The following PTPRT variants were observed in gnomAD, a reference collection of about 807,000 sequenced individuals.
The protein encoded by PTPRT is protein tyrosine phosphatase receptor type T.
PTPRT carries 56 observed loss-of-function variants against 176.8 expected under a neutral mutation model. The ratio of observed to expected loss-of-function variants is 0.32; its 90% confidence interval spans 0.26 to 0.40. The LOEUF (loss-of-function observed/expected upper bound fraction) is 0.40, where lower values mean the gene tolerates loss of function less well. PTPRT is among the 10% of genes least tolerant of loss of function. The pLI, the probability that PTPRT is intolerant of heterozygous loss-of-function variation, is 1.00. For synonymous variants in PTPRT, 783 were observed against 739.0 expected (o/e 1.06, Z -0.96); for missense variants, 1,540 against 1,908.2 (o/e 0.81, Z 3.60).
At chr20:42,850,769 T>A (rs2078454763) in intron 2 of PTPRT, among the ~76,000 whole-genome samples, 1 of 152,172 alleles carries the variant, frequency 6.6e-6, no homozygotes. Context: ...TGCAAAGCTA[T>A]TTTCCTGGAG....
At chr20:42,064,377 T>G in the PTPRT span, among the ~76,000 whole-genome samples, 1 of 152,214 alleles carries the variant, frequency 6.6e-6, no homozygotes, top group South Asian at 2.1e-4. Flanking sequence ...GACTGTCTAC[T>G]GAATCTCTTA....
chr20:43,150,036 T>C (rs1362345710), intron 1 of PTPRT, among the ~76,000 whole-genome samples: 3 of 152,234 alleles, frequency 2.0e-5, no homozygotes, highest in African/African-American at 7.2e-5. Flanking sequence ...GAGGTTCTAT[T>C]GGATCCACGC....
intron 12 of PTPRT, among the ~76,000 whole-genome samples, chr20:42,291,295 G>A (rs6124439): frequency 0.26 from 39,530 of 151,994 alleles, 5,308 homozygotes; most frequent in Non-Finnish European, 0.29. Flanking sequence ...CTACAAATAC[G>A]ACCAAAGTAG....
intron 1 of PTPRT, among the ~76,000 whole-genome samples, chr20:43,140,359 T>A (rs1231498551): frequency 6.6e-6 from 1 of 151,882 alleles, no homozygotes; most frequent in African/African-American, 2.4e-5. Context: ...TTCCTGCACA[T>A]GAACACACAC....
chr20:43,053,482 C>T (rs1011617173), intron 1 of PTPRT, among the ~76,000 whole-genome samples: 7 of 152,192 alleles, frequency 4.6e-5, no homozygotes, highest in Non-Finnish European at 1.0e-4. Flanking sequence ...TTAAAGCAAT[C>T]CCCATCACAC....
At chr20:42,051,274 A>C in the PTPRT span, among the ~76,000 whole-genome samples, 2 of 152,200 alleles carry the variant, frequency 1.3e-5, no homozygotes, top group Non-Finnish European at 2.9e-5. Context: ...TCTATGAGAC[A>C]GAAGGGTAGA....
At chr20:42,704,623 C>A (rs2076023917) in intron 6 of PTPRT, among the ~76,000 whole-genome samples, 1 of 152,102 alleles carries the variant, frequency 6.6e-6, no homozygotes, top group South Asian at 2.1e-4. Context: ...GATCCTCTGA[C>A]AGAACTAATT....
In PTPRT at chr20:42,073,192, G is replaced by A. The variant is rs1373414721; in HGVS notation, c.*7687C>T. On this transcript the variant is annotated 3_prime_UTR_variant, in exon 31 of 31. Transcript: ENST00000373187. ...GATGTCAGCCTCCCTGGAGTTGAGCGGGAACCTTGGGATAGCTTGTGAGGG... is the reference window on the plus strand; with the variant it reads ...GATGTCAGCCTCCCTGGAGTTGAGCAGGAACCTTGGGATAGCTTGTGAGGG... 2 of 190,492 alleles carry A rather than the reference G, an allele frequency of 1.0e-5. No individual in the cohort carries two copies. The highest frequency in any genetic ancestry group is 2.3e-5 in the African/African-American group (1 of 42,906). The allele number at this position is 190,492 out of a possible 1,614,324, so 11.8% of individuals were successfully genotyped here. A position where few individuals can be genotyped will look rare whatever the true frequency, so the allele number is the denominator to read the frequency against.
intron 18 of PTPRT, among the ~76,000 whole-genome samples, chr20:42,131,062 C>T (rs1020910147): frequency 2.0e-5 from 3 of 152,168 alleles, no homozygotes; most frequent in African/African-American, 7.2e-5. Flanking sequence ...AGAGATAGGA[C>T]TTCTCGGTTA....
chr20:42,382,819 C>T (rs1357987038), intron 9 of PTPRT, among the ~76,000 whole-genome samples: 1 of 152,116 alleles, frequency 6.6e-6, no homozygotes, highest in African/African-American at 2.4e-5. Flanking sequence ...ATGGTGCCAC[C>T]CATAGGTGGT....
rs892409282 is a variant in PTPRT at position 42,631,769 on chromosome 20, G to C, written c.1153+46097C>G. 3.9e-5 allele frequency among the ~76,000 whole-genome samples: 6 copies of C among 152,172 alleles called. 1 individual carries two copies. Among genetic ancestry groups the C allele is most frequent in the Non-Finnish European group, 7.3e-5 (5 of 68,036 alleles). On this transcript the variant is annotated intron_variant, in intron 7 of 30. Transcript: ENST00000373187. ...CTTGAAGAAGCTTGTGTAAATGAATGAATGAATGAATGAATGCAAGCTTGT... is the reference window on the plus strand; with the variant it reads ...CTTGAAGAAGCTTGTGTAAATGAATCAATGAATGAATGAATGCAAGCTTGT...
intron 2 of PTPRT, among the ~76,000 whole-genome samples, chr20:42,879,981 A>C (rs1025287562): frequency 2.0e-5 from 3 of 152,124 alleles, no homozygotes; most frequent in African/African-American, 7.2e-5. Context: ...GTCTGGAAGG[A>C]CTGGGCCAAG....
At chr20:42,851,472 AT>A (rs762328189) in intron 2 of PTPRT, among the ~76,000 whole-genome samples, 59 of 152,164 alleles carry the variant, frequency 3.9e-4, no homozygotes, top group Non-Finnish European at 1.8e-4. Context: ...GGCATCTATA[AT>A]TATAATACCT....
chr20:42,201,022 A>G (rs1480937705), intron 15 of PTPRT, among the ~76,000 whole-genome samples: 1 of 152,208 alleles, frequency 6.6e-6, no homozygotes, highest in East Asian at 1.9e-4. Context: ...GAAAGGATAA[A>G]CCTCAACTTA....
chr20:43,021,586 G>T (rs1041510411), intron 1 of PTPRT, among the ~76,000 whole-genome samples: 3 of 152,034 alleles, frequency 2.0e-5, no homozygotes, highest in Admixed American at 6.6e-5. Context: ...GCTGAATGGG[G>T]GCTGGGCTGG....
In PTPRT at chr20:42,075,335, C is replaced by T. The variant is rs1212070863; in HGVS notation, c.*5544G>A. ...TATCCACGTTTATGTTTTTTTTCTT[C>T]TAACCTACCCTCCAGTTGGGTTGAC... is the stretch of plus-strand genomic sequence containing the variant. On this transcript the variant is annotated 3_prime_UTR_variant, in exon 31 of 31. Coordinates refer to ENST00000373187, the MANE Select transcript of PTPRT (RefSeq NM_007050.6). The T allele has an allele frequency of 8.7e-6, 2 of 230,618 alleles. No homozygotes were observed. Among genetic ancestry groups the T allele is most frequent in the African/African-American group, 4.4e-5 (2 of 45,192 alleles). 14.3% of individuals were successfully genotyped at this position (230,618 alleles called of 1,614,324 possible). A position where few individuals can be genotyped will look rare whatever the true frequency, so the allele number is the denominator to read the frequency against.
chr20:42,694,631 T>A (rs940984248), intron 6 of PTPRT, among the ~76,000 whole-genome samples: 5 of 152,204 alleles, frequency 3.3e-5, no homozygotes, highest in Non-Finnish European at 7.3e-5. Context: ...AGCGGCTACA[T>A]CATTTTACAT....
intron 8 of PTPRT, among the ~76,000 whole-genome samples, chr20:42,458,057 TCTC>T (rs1431090118): frequency 6.6e-6 from 1 of 152,136 alleles, no homozygotes; most frequent in East Asian, 1.9e-4. Context: ...TTGGAAGTCT[TCTC>T]CTCCAATTCC....
intron 7 of PTPRT, among the ~76,000 whole-genome samples, chr20:42,663,956 G>A (rs2075269738): frequency 6.6e-6 from 1 of 152,122 alleles, no homozygotes; most frequent in South Asian, 2.1e-4. Flanking sequence ...CTTTTGAGCA[G>A]CTCTGATTAT....
Sources: gnomAD v4.1 joint callset for allele counts (sites outside exome capture counted in the v4.1 genomes callset) on GRCh38, gnomAD v4.1.1 for gene constraint, MANE v1.5 for transcripts, NCBI Gene and HGNC (gene_info 2026-07-23, HGNC 2026-07-21) for gene names.